The following MBNL2 variants were observed in gnomAD, a reference collection of about 807,000 sequenced individuals.
MBNL2 encodes the protein muscleblind-like protein 2.
Under a neutral mutation model 41.9 loss-of-function variants are expected in MBNL2, and 17 were observed. That is an observed-to-expected ratio of 0.41 (90% CI 0.28 to 0.61). The LOEUF (loss-of-function observed/expected upper bound fraction) is 0.61, where lower values mean the gene tolerates loss of function less well. MBNL2 is among the 20% of genes least tolerant of loss of function. The pLI is 0.35. For synonymous variants in MBNL2, 195 were observed against 182.9 expected (o/e 1.07, Z -0.53); for missense variants, 336 against 505.6 (o/e 0.66, Z 3.22).
intron 2 of MBNL2, among the ~76,000 whole-genome samples, chr13:97,330,857 G>A (rs1553012): frequency 1.3e-5 from 2 of 152,070 alleles, no homozygotes; most frequent in South Asian, 2.1e-4. Context: ...ATTCTGTTAC[G>A]TAGAGTCTCC....
At chr13:97,213,198 T>C in the MBNL2 span, among the ~76,000 whole-genome samples, 1 of 152,066 alleles carries the variant, frequency 6.6e-6, no homozygotes, top group Admixed American at 6.5e-5. Context: ...TGAGGTTGAA[T>C]AGAGGTGACA....
chr13:97,294,328 T>C (rs1017085573), intron 2 of MBNL2, among the ~76,000 whole-genome samples: 1 of 152,228 alleles, frequency 6.6e-6, no homozygotes, highest in South Asian at 2.1e-4. Flanking sequence ...TTCTTGTTCT[T>C]AGGGATTTTA....
intron 1 of MBNL2, among the ~76,000 whole-genome samples, chr13:97,252,978 T>C (rs981793785): frequency 4.6e-5 from 7 of 152,242 alleles, no homozygotes; most frequent in African/African-American, 1.7e-4. Context: ...GGTCTCTCTC[T>C]ATTTTACATC....
chr13:97,246,885 T>C (rs1005616175), intron 1 of MBNL2, among the ~76,000 whole-genome samples: 1 of 152,216 alleles, frequency 6.6e-6, no homozygotes, highest in Admixed American at 6.5e-5. Context: ...CTTATTGCTG[T>C]TCTGTAAATA....
the MBNL2 span, among the ~76,000 whole-genome samples, chr13:97,150,192 C>T: frequency 2.6e-5 from 4 of 152,304 alleles, no homozygotes; most frequent in South Asian, 8.3e-4. Context: ...TCTACTTGCC[C>T]ACCATATGTT....
chr13:97,210,571 A>ATTTTTTTTT, the MBNL2 span, among the ~76,000 whole-genome samples: 11 of 65,464 alleles, frequency 1.7e-4, 1 homozygote, highest in African/African-American at 6.3e-4. Context: ...ACAACTGTGA[A>ATTTTTTTTT]TTTTTTTTTT....
the MBNL2 span, among the ~76,000 whole-genome samples, chr13:97,202,083 G>C: frequency 6.6e-6 from 1 of 152,082 alleles, no homozygotes; most frequent in African/African-American, 2.4e-5. Context: ...ATGGTATTGT[G>C]GTTATATTTT....
intron 8 of MBNL2, among the ~76,000 whole-genome samples, chr13:97,383,602 A>T (rs932953897): frequency 6.6e-6 from 1 of 152,196 alleles, no homozygotes; most frequent in Non-Finnish European, 1.5e-5. Context: ...TCTACTAAAC[A>T]GCAGAGGACA....
chr13:97,356,927 C>A, intron 6 of MBNL2, 78 bp downstream of exon 6: 4 of 884,906 alleles, frequency 4.5e-6, no homozygotes, highest in African/African-American at 1.7e-5. Flanking sequence ...TTGTAAAATA[C>A]TGGTTGCAAA....
intron 2 of MBNL2, among the ~76,000 whole-genome samples, chr13:97,286,977 T>C (rs1346976768): frequency 6.6e-6 from 1 of 152,224 alleles, no homozygotes; most frequent in Non-Finnish European, 1.5e-5. Context: ...CACCCATACT[T>C]GCTAGTGAAG....
intron 2 of MBNL2, among the ~76,000 whole-genome samples, chr13:97,283,049 T>G (rs1320670841): frequency 6.6e-6 from 1 of 152,226 alleles, no homozygotes; most frequent in African/African-American, 2.4e-5. Context: ...CCGTTTCATT[T>G]TGCAGATTTG....
At chr13:97,208,015 G>A in the MBNL2 span, among the ~76,000 whole-genome samples, 2,571 of 152,336 alleles carry the variant, frequency 0.017, 67 homozygotes, top group African/African-American at 0.058. Context: ...ATGCAAGGGG[G>A]TGAGTTCCCA....
At chr13:97,311,931 G>A (rs1473980249) in intron 2 of MBNL2, among the ~76,000 whole-genome samples, 2 of 151,998 alleles carry the variant, frequency 1.3e-5, no homozygotes, top group African/African-American at 4.8e-5. Context: ...CCTTTTTTGT[G>A]TTATTCTTGA....
chr13:97,256,128 T>G (rs948325256), intron 1 of MBNL2, among the ~76,000 whole-genome samples: 8 of 152,190 alleles, frequency 5.3e-5, no homozygotes, highest in Non-Finnish European at 1.2e-4. Context: ...AAAAAAATTA[T>G]TGCAAGGCTG....
upstream of MBNL2, among the ~76,000 whole-genome samples, chr13:97,216,801 T>G (rs2040410021): frequency 6.6e-6 from 1 of 152,126 alleles, no homozygotes; most frequent in Admixed American, 6.6e-5. Flanking sequence ...ATGCATTGCT[T>G]CTTTTCCTTC....
At chr13:97,217,901 T>G (rs2040507823), upstream of MBNL2, among the ~76,000 whole-genome samples, 1 of 149,448 alleles carries the variant, frequency 6.7e-6, no homozygotes, top group African/African-American at 2.5e-5. Context: ...TGGAGAGGAG[T>G]GGATAGATTC....
intron 2 of MBNL2, among the ~76,000 whole-genome samples, chr13:97,280,269 A>C (rs1222101023): frequency 6.6e-6 from 1 of 152,146 alleles, no homozygotes; most frequent in East Asian, 1.9e-4. Context: ...CATTTGGCAA[A>C]TTGAACATCA....
upstream of MBNL2, chr13:97,221,705 T>C (rs555759493): frequency 4.6e-5 from 7 of 152,328 alleles, no homozygotes; most frequent in African/African-American, 1.2e-4. Context: ...AAGTCCCAAG[T>C]GGTCTGAAAA....
intron 1 of MBNL2, among the ~76,000 whole-genome samples, chr13:97,265,411 A>G (rs1028482050): frequency 1.2e-4 from 18 of 152,206 alleles, no homozygotes; most frequent in African/African-American, 4.3e-4. Context: ...AGGACAAAAT[A>G]CCATGTAAAA....
Sources: allele counts gnomAD v4.1 joint callset (sites outside exome capture counted in the v4.1 genomes callset), GRCh38; gene constraint gnomAD v4.1.1; transcripts MANE v1.5; gene names NCBI Gene and HGNC (gene_info 2026-07-23, HGNC 2026-07-21).